The following VPS13C variants were observed in gnomAD, a reference collection of about 807,000 sequenced individuals.
VPS13C encodes intermembrane lipid transfer protein VPS13C.
VPS13C carries 358 observed loss-of-function variants against 456.8 expected under a neutral mutation model. That is an observed-to-expected ratio of 0.78 (90% CI 0.72 to 0.86). The LOEUF (loss-of-function observed/expected upper bound fraction) is 0.86. Among genes scored for constraint, VPS13C ranks in the 40% least tolerant of loss-of-function variants. VPS13C has a pLI of 0.00. For missense variants in VPS13C, 4,818 were observed against 4,385.4 expected, an observed-to-expected ratio of 1.10 and a Z score of -2.79; for synonymous variants, 1,578 against 1,486.7, an observed-to-expected ratio of 1.06 and a Z score of -1.41.
rs1348964224 is a variant in VPS13C at position 61,863,437 on chromosome 15, T to C, written c.10952+3A>G. 1 of 1,607,456 alleles carries C rather than the reference T, an allele frequency of 6.2e-7. No homozygotes were observed. The highest frequency in any genetic ancestry group is 1.7e-5 in the Admixed American group (1 of 59,556). ...TTGGAAAAATGTCACTTCAAGTCAG[T>C]ACCTATTTGTAACCATAAGGATTGT... is the stretch of plus-strand genomic sequence containing the variant. On this transcript the variant is annotated splice_donor_region_variant and intron_variant, in intron 82 of 84. Transcript: ENST00000644861.
At chr15:62,042,604 C>T (rs1248053552) in intron 2 of VPS13C, among the ~76,000 whole-genome samples, 2 of 151,764 alleles carry the variant, frequency 1.3e-5, no homozygotes, top group South Asian at 2.1e-4. Context: ...CAAGGGAATT[C>T]GCATTATACA....
At chr15:62,049,603 T>C (rs1286593472) in intron 1 of VPS13C, among the ~76,000 whole-genome samples, 1 of 152,224 alleles carries the variant, frequency 6.6e-6, no homozygotes, top group Non-Finnish European at 1.5e-5. Context: ...TTTGGTTCCA[T>C]ATGAACTTTA....
At chr15:61,957,388 G>A (rs1315630763) in intron 37 of VPS13C, among the ~76,000 whole-genome samples, 1 of 152,028 alleles carries the variant, frequency 6.6e-6, no homozygotes, top group Non-Finnish European at 1.5e-5. Context: ...TGATCATGGT[G>A]TATCCATATA....
At chr15:62,037,178 TATAA>T (rs2048028263) in intron 3 of VPS13C, among the ~76,000 whole-genome samples, 1 of 119,998 alleles carries the variant, frequency 8.3e-6, no homozygotes, top group South Asian at 2.3e-4. Flanking sequence ...TATTGCATAA[TATAA>T]ATATAAATAT....
In VPS13C at chr15:61,975,955, C is replaced by T. The variant is rs2045690196; in HGVS notation, c.2408+1127G>A. 2.6e-5 allele frequency among the ~76,000 whole-genome samples: 4 copies of T among 151,958 alleles called. No individual in the cohort carries two copies. The South Asian group carries it at 8.3e-4, about 32-fold the overall frequency. Reference sequence around the variant, plus strand: ...ATATTTGTATTACATAATGAGATATCCTGCAGATAGGACCCAAGTCTAAAC... The same window carrying T: ...ATATTTGTATTACATAATGAGATATTCTGCAGATAGGACCCAAGTCTAAAC... On this transcript the variant is annotated intron_variant, in intron 24 of 84. Transcript: ENST00000644861.
At chr15:61,953,656 G>A (rs1694641049) in intron 38 of VPS13C, among the ~76,000 whole-genome samples, 1 of 151,934 alleles carries the variant, frequency 6.6e-6, no homozygotes, top group African/African-American at 2.4e-5. Context: ...CATTTGGGTT[G>A]GTTCCAAGTC....
chr15:61,982,319 T>G (rs903950437), intron 21 of VPS13C, 140 bp downstream of exon 21: 2 of 504,118 alleles, frequency 4.0e-6, no homozygotes. Context: ...GAGAAAGCCA[T>G]GTCCACTCTA....
intron 66 of VPS13C, among the ~76,000 whole-genome samples, chr15:61,890,918 G>A (rs1212048772): frequency 6.6e-6 from 1 of 152,098 alleles, no homozygotes. Context: ...ATGGTGGCGG[G>A]CACCTGTAAT....
chr15:61,936,485 A>C, intron 48 of VPS13C, 112 bp downstream of exon 48: 1 of 1,071,358 alleles, frequency 9.3e-7, no homozygotes, highest in Non-Finnish European at 1.2e-6. Context: ...TAAGTAGTAC[A>C]ATACTGAATT....
At chr15:62,013,505 TG>T (rs34419214) in intron 10 of VPS13C, among the ~76,000 whole-genome samples, 1 of 151,852 alleles carries the variant, frequency 6.6e-6, no homozygotes, top group Non-Finnish European at 1.5e-5. Flanking sequence ...GTCAACAAGG[TG>T]GGAAAGCTAC....
Position 61,853,476 on chromosome 15 carries a change from A to G in VPS13C, c.*981T>C, listed in dbSNP as rs1893749387. 2 of 152,216 alleles carry G rather than the reference A, an allele frequency of 1.3e-5. No homozygotes were observed. The highest frequency in any genetic ancestry group is 2.9e-5 in the Non-Finnish European group (2 of 68,046). The allele number at this position is 152,216 out of a possible 1,614,324, so 9.4% of individuals were successfully genotyped here. A position where few individuals can be genotyped will look rare whatever the true frequency, so the allele number is the denominator to read the frequency against. On this transcript the variant is annotated 3_prime_UTR_variant, in exon 85 of 85. Coordinates refer to ENST00000644861, the MANE Select transcript of VPS13C (RefSeq NM_020821.3). ...CAAATTTTTATGAATGCTACATTAC[A>G]GAGGGCAGAGTGTAGCTATTTTAAG...
chr15:62,021,539 A>G (rs1308066901), intron 8 of VPS13C, among the ~76,000 whole-genome samples: 3 of 151,898 alleles, frequency 2.0e-5, no homozygotes, highest in Non-Finnish European at 2.9e-5. Context: ...TAGACATCTT[A>G]AAGAAAAGTC....
In VPS13C at chr15:61,910,242, C is replaced by T. The variant is rs2043265193; in HGVS notation, c.8779G>A (p.Gly2927Arg). The T allele has an allele frequency of 6.5e-7, 1 of 1,527,068 alleles. No individual in the cohort carries two copies. Among genetic ancestry groups the T allele is most frequent in the Non-Finnish European group, 8.8e-7 (1 of 1,131,316 alleles). The allele number at this position is 1,527,068 out of a possible 1,614,324, so 94.6% of individuals were successfully genotyped here. ...KLCVRVVGCE[G>R]SSKPFFYNRQ... ...TTATAAAAGAATGGTTTGGAAGATCCTTCACAGCCCACCACTCTCACACAA... is the reference window on the plus strand; with the variant it reads ...TTATAAAAGAATGGTTTGGAAGATCTTTCACAGCCCACCACTCTCACACAA... Residue 2927 changes from glycine to arginine, a missense_variant, in exon 64 of 85, where the codon GGA (glycine) becomes AGA (arginine). By Grantham distance (125) the Gly-to-Arg change is moderately radical. Transcript: ENST00000644861.
At chr15:62,046,358 G>C (rs1215501336) in intron 1 of VPS13C, among the ~76,000 whole-genome samples, 1 of 152,164 alleles carries the variant, frequency 6.6e-6, no homozygotes, top group Non-Finnish European at 1.5e-5. Flanking sequence ...TGGAAGACTA[G>C]CATGTTCAGC....
At chr15:61,898,598 T>A (rs2042903695) in intron 66 of VPS13C, among the ~76,000 whole-genome samples, 1 of 151,298 alleles carries the variant, frequency 6.6e-6, no homozygotes, top group South Asian at 2.1e-4. Context: ...CCCAGATTCA[T>A]AAAGCAAGTC....
chr15:61,854,705 A>G, intron 84 of VPS13C, 147 bp from the exon 85 acceptor site: 1 of 1,033,538 alleles, frequency 9.7e-7, no homozygotes, highest in Non-Finnish European at 1.4e-6. Flanking sequence ...GTCATATAAA[A>G]ATAAGACCCT....
chr15:61,883,737 CTTTA>C (rs1315272554), intron 68 of VPS13C, among the ~76,000 whole-genome samples: 4 of 151,902 alleles, frequency 2.6e-5, no homozygotes. Flanking sequence ...TTTACACGGT[CTTTA>C]TTTAGCAATA....
At chr15:62,011,412 T>G (rs1490128524) in intron 12 of VPS13C, among the ~76,000 whole-genome samples, 1 of 152,026 alleles carries the variant, frequency 6.6e-6, no homozygotes, top group Non-Finnish European at 1.5e-5. Context: ...CATCAAAAAA[T>G]GTAGGGATCT....
chr15:62,003,341 A>C (rs963478569), intron 15 of VPS13C, among the ~76,000 whole-genome samples: 3 of 151,436 alleles, frequency 2.0e-5, no homozygotes, highest in Non-Finnish European at 2.9e-5. Flanking sequence ...GGTGTATAAG[A>C]ATGCTTGTGA....
Sources: allele counts gnomAD v4.1 joint callset (sites outside exome capture counted in the v4.1 genomes callset), GRCh38; gene constraint gnomAD v4.1.1; transcripts MANE v1.5; gene names NCBI Gene and HGNC (gene_info 2026-07-23, HGNC 2026-07-21).